ATE1: variants seen among roughly 807,000 people sequenced by gnomAD.
ATE1 encodes the protein arginyl-tRNA--protein transferase 1.
Under a neutral mutation model 70.5 loss-of-function variants are expected in ATE1, and 36 were observed. The observed-to-expected ratio is 0.51, with a 90% confidence interval of 0.39 to 0.67. The LOEUF (loss-of-function observed/expected upper bound fraction) is 0.67. Among genes scored for constraint, ATE1 ranks in the 30% least tolerant of loss-of-function variants. The pLI, the probability that ATE1 is intolerant of heterozygous loss-of-function variation, is 0.00. For synonymous variants in ATE1, 232 were observed against 219.3 expected (o/e 1.06, Z -0.51); for missense variants, 593 against 629.5 (o/e 0.94, Z 0.62).
At chr10:121,775,720 C>T (rs1421455425) in intron 11 of ATE1, among the ~76,000 whole-genome samples, 5 of 152,204 alleles carry the variant, frequency 3.3e-5, no homozygotes, top group South Asian at 2.1e-4. Context: ...CCTCCACTGA[C>T]GGTATCTAGG....
chr10:121,856,134 T>C (rs776907121), intron 8 of ATE1, among the ~76,000 whole-genome samples: 10 of 147,906 alleles, frequency 6.8e-5, no homozygotes, highest in South Asian at 2.1e-4. Flanking sequence ...TTTGGATAAA[T>C]AAGGCTAGTT....
intron 11 of ATE1, among the ~76,000 whole-genome samples, chr10:121,749,272 A>G (rs1350034217): frequency 6.6e-6 from 1 of 152,196 alleles, no homozygotes; most frequent in Non-Finnish European, 1.5e-5. Context: ...ATTCAAACTT[A>G]ATTTGCACAT....
At chr10:121,817,432 G>A (rs1007422475) in intron 10 of ATE1, among the ~76,000 whole-genome samples, 9 of 152,010 alleles carry the variant, frequency 5.9e-5, no homozygotes, top group Admixed American at 4.6e-4. Context: ...CCAGCTACTC[G>A]GGAGGCTGAG....
Position 121,841,316 on chromosome 10 carries a change from T to A in ATE1, c.976-53A>T, listed in dbSNP as rs1337376525. 2.6e-6 allele frequency: 3 copies of A among 1,163,666 alleles called. No homozygotes were observed. The African/African-American group carries it at 4.8e-5, about 18-fold the overall frequency. 72.1% of individuals were successfully genotyped at this position (1,163,666 alleles called of 1,614,324 possible). On this transcript the variant is annotated intron_variant, in intron 8 of 11. Transcript: ENST00000224652. ...CATTTTTTTAATATTAAAATAATCTTATAATTAATATATACTTTCATTTTC... is the reference window on the plus strand; with the variant it reads ...CATTTTTTTAATATTAAAATAATCTAATAATTAATATATACTTTCATTTTC...
At chr10:121,755,906 C>G (rs545656967) in intron 11 of ATE1, among the ~76,000 whole-genome samples, 5 of 152,162 alleles carry the variant, frequency 3.3e-5, no homozygotes, top group Non-Finnish European at 7.3e-5. Flanking sequence ...TCTCCCAAAT[C>G]TCGTATCTTC....
intron 2 of ATE1, among the ~76,000 whole-genome samples, chr10:121,923,960 T>C (rs1181609552): frequency 6.6e-6 from 1 of 152,212 alleles, no homozygotes; most frequent in East Asian, 1.9e-4. Flanking sequence ...AACCTACTGA[T>C]GTAATTTGCT....
chr10:121,857,354 A>T (rs1949284876), intron 8 of ATE1, among the ~76,000 whole-genome samples: 1 of 152,196 alleles, frequency 6.6e-6, no homozygotes, highest in African/African-American at 2.4e-5. Flanking sequence ...CTTAAAAGCA[A>T]GAACATGTGG....
intron 11 of ATE1, among the ~76,000 whole-genome samples, chr10:121,762,028 C>A (rs563598307): frequency 3.2e-4 from 49 of 152,270 alleles, no homozygotes; most frequent in Admixed American, 1.9e-3. Flanking sequence ...TGTATCTTGG[C>A]CCAGTCACCT....
intron 10 of ATE1, among the ~76,000 whole-genome samples, chr10:121,803,154 G>A (rs1009909707): frequency 2.6e-5 from 4 of 151,982 alleles, no homozygotes; most frequent in Non-Finnish European, 4.4e-5. Flanking sequence ...ATTCAAACTT[G>A]GAGTTTCCTA....
chr10:121,880,817 A>G (rs556912038), intron 7 of ATE1, among the ~76,000 whole-genome samples: 1 of 152,316 alleles, frequency 6.6e-6, no homozygotes, highest in South Asian at 2.1e-4. Flanking sequence ...CCTTGTTTAG[A>G]CTAGCCATCA....
At chr10:121,814,617 T>C (rs1474216413) in intron 10 of ATE1, among the ~76,000 whole-genome samples, 4 of 152,158 alleles carry the variant, frequency 2.6e-5, no homozygotes, top group African/African-American at 9.7e-5. Context: ...TCTACAGTTA[T>C]CCTATTTTAT....
chr10:121,882,442 A>C (rs1316895349), intron 7 of ATE1, among the ~76,000 whole-genome samples: 2 of 152,210 alleles, frequency 1.3e-5, no homozygotes, highest in African/African-American at 2.4e-5. Context: ...TTATTTGGCC[A>C]AGCACCTTTA....
At chr10:121,895,751 T>G (rs142031824) in intron 7 of ATE1, among the ~76,000 whole-genome samples, 22 of 152,216 alleles carry the variant, frequency 1.4e-4, no homozygotes, top group Non-Finnish European at 2.5e-4. Flanking sequence ...TGGCAAAATC[T>G]CATTGCTACT....
intron 7 of ATE1, among the ~76,000 whole-genome samples, chr10:121,888,405 G>GAAT (rs1175297996): frequency 3.3e-5 from 5 of 151,806 alleles, no homozygotes; most frequent in East Asian, 3.9e-4. Flanking sequence ...AAAAATAAAT[G>GAAT]AATAATAATA....
intron 10 of ATE1, among the ~76,000 whole-genome samples, chr10:121,803,175 G>A (rs1014861023): frequency 1.3e-5 from 2 of 152,120 alleles, no homozygotes; most frequent in Non-Finnish European, 2.9e-5. Context: ...AGAGCTGGGA[G>A]TACATCAATT....
In ATE1 at chr10:121,846,240, CA is replaced by C. The variant is rs1277597600; in HGVS notation, c.976-4978del. Among the ~76,000 whole-genome samples, 5 of 151,818 alleles carry C rather than the reference CA, an allele frequency of 3.3e-5. No individual in the cohort carries two copies. In the South Asian group the frequency reaches 8.3e-4, roughly 25 times the overall value. ...CACAAAGCCAGAACAATCTGAGCAACAAAATAAAACAGTACTGACTTTATAA... is the reference window on the plus strand; with the variant it reads ...CACAAAGCCAGAACAATCTGAGCAACAAATAAAACAGTACTGACTTTATAA... On this transcript the variant is annotated intron_variant, in intron 8 of 11. Coordinates refer to ENST00000224652, the MANE Select transcript of ATE1 (RefSeq NM_001001976.3).
intron 8 of ATE1, among the ~76,000 whole-genome samples, chr10:121,861,749 T>A (rs866255171): frequency 1.8e-4 from 27 of 148,022 alleles, no homozygotes; most frequent in Non-Finnish European, 1.9e-4. Context: ...TAAAGTATAA[T>A]AAAAAAAAAA....
chr10:121,928,337 G>A, upstream of ATE1: 1 of 1,520,976 alleles, frequency 6.6e-7, no homozygotes, highest in Non-Finnish European at 8.8e-7. Flanking sequence ...CCGGCGTCGG[G>A]AACACTCACC....
At chr10:121,872,878 A>G (rs113895501) in intron 7 of ATE1, among the ~76,000 whole-genome samples, 6 of 152,258 alleles carry the variant, frequency 3.9e-5, no homozygotes, top group African/African-American at 1.4e-4. Context: ...ATAATGGGTA[A>G]AGTTAACAGT....
Sources: gnomAD v4.1 joint callset for allele counts (sites outside exome capture counted in the v4.1 genomes callset) on GRCh38, gnomAD v4.1.1 for gene constraint, MANE v1.5 for transcripts, NCBI Gene and HGNC (gene_info 2026-07-23, HGNC 2026-07-21) for gene names.